The following MTMR6 variants were observed in gnomAD, a reference collection of about 807,000 sequenced individuals.
MTMR6 encodes myotubularin related protein 6.
Under a neutral mutation model 80.1 loss-of-function variants are expected in MTMR6, and 47 were observed. The ratio of observed to expected loss-of-function variants is 0.59; its 90% CI spans 0.46 to 0.75. The LOEUF (loss-of-function observed/expected upper bound fraction) is 0.75, where lower values mean the gene tolerates loss of function less well. Ranked by LOEUF, MTMR6 falls within the 30% of genes least tolerant of loss-of-function variation. The probability of loss-of-function intolerance (pLI) is 0.00; values close to 1 mark genes in which losing one functional copy is unlikely to be tolerated. For synonymous variants in MTMR6, 254 were observed against 253.0 expected, an observed-to-expected ratio of 1.00 and a Z score of -0.04; for missense variants, 629 against 730.9, an observed-to-expected ratio of 0.86 and a Z score of 1.61.
At chr13:25,261,470 C>T (rs1957339981) in intron 6 of MTMR6, among the ~76,000 whole-genome samples, 198 bp downstream of exon 6, 1 of 151,946 alleles carries the variant, frequency 6.6e-6, no homozygotes, top group Admixed American at 6.6e-5. Flanking sequence ...TGTAAGAAAT[C>T]ACCATGAGTT....
chr13:25,264,140 T>C (rs1957399128), intron 5 of MTMR6, among the ~76,000 whole-genome samples: 2 of 151,862 alleles, frequency 1.3e-5, no homozygotes, highest in South Asian at 4.1e-4. Flanking sequence ...CATCCAGGAA[T>C]AGAAAACCAT....
chr13:25,259,052 G>A (rs34982571), intron 6 of MTMR6, among the ~76,000 whole-genome samples: 2 of 152,158 alleles, frequency 1.3e-5, no homozygotes, highest in African/African-American at 2.4e-5. Flanking sequence ...AGAGCTGGCT[G>A]GGGGACTTTC....
chr13:25,267,972 A>G (rs1957494741), intron 2 of MTMR6, 31 bp from the exon 3 acceptor site: 1 of 1,550,786 alleles, frequency 6.4e-7, no homozygotes, highest in Non-Finnish European at 8.7e-7. Context: ...CAGGTCATCA[A>G]CATGGAAAGC....
At chr13:25,262,595 T>C (rs891445867) in intron 5 of MTMR6, among the ~76,000 whole-genome samples, 8 of 152,186 alleles carry the variant, frequency 5.3e-5, no homozygotes, top group Admixed American at 2.0e-4. Context: ...TGTCAACTCC[T>C]GGGCTCAAGC....
chr13:25,260,511 TA>T, intron 6 of MTMR6: 1 of 686,704 alleles, frequency 1.5e-6, no homozygotes, highest in Non-Finnish European at 2.1e-6. Flanking sequence ...GAATCACTTC[TA>T]AAATAGTGAC....
chr13:25,263,272 A>G lies in MTMR6; in HGVS notation c.592-1470T>C, dbSNP rs80152077. Among the ~76,000 whole-genome samples the G allele has an allele frequency of 3.5e-3, 527 of 152,350 alleles. 9 individuals carry two copies. Among genetic ancestry groups the G allele is most frequent in the African/African-American group, 0.012 (508 of 41,582 alleles). ...GCTCAAAACCTCTGAAGGCTTGAGC[A>G]GGTATATAACTGAAAAAAAGGAGAA... On this transcript the variant is annotated intron_variant, in intron 5 of 13. Coordinates refer to ENST00000381801, the MANE Select transcript of MTMR6 (RefSeq NM_004685.5).
chr13:25,260,191 G>A (rs1472346144), intron 6 of MTMR6, among the ~76,000 whole-genome samples: 4 of 142,940 alleles, frequency 2.8e-5, no homozygotes, highest in South Asian at 2.2e-4. Flanking sequence ...TTTTTGAGAC[G>A]GAGTTTCGCT....
intron 11 of MTMR6, among the ~76,000 whole-genome samples, chr13:25,253,193 A>G (rs990174737): frequency 6.6e-6 from 1 of 152,202 alleles, no homozygotes; most frequent in Non-Finnish European, 1.5e-5. Context: ...GGCTTTTCTG[A>G]GACCCTACTC....
intron 5 of MTMR6, among the ~76,000 whole-genome samples, chr13:25,264,775 A>AAAAAAAAAAAAAG (rs1491106020): frequency 1.5e-5 from 2 of 133,734 alleles, no homozygotes; most frequent in African/African-American, 5.1e-5. Context: ...AAAAAAAAAA[A>AAAAAAAAAAAAAG]GAAATTTCAG....
At chr13:25,265,678 GC>G in intron 5 of MTMR6, 140 bp downstream of exon 5, 2 of 921,414 alleles carry the variant, frequency 2.2e-6, no homozygotes, top group Non-Finnish European at 3.2e-6. Context: ...GTTGCAGTGA[GC>G]CAAGATGGTG....
intron 8 of MTMR6, 116 bp downstream of exon 8, chr13:25,257,620 G>T (rs1957243309): frequency 1.4e-6 from 1 of 736,572 alleles, no homozygotes; most frequent in South Asian, 2.1e-5. Context: ...GCTCATTAAA[G>T]AGGTAAAAAA....
chr13:25,254,268 C>A (rs1957146099), intron 10 of MTMR6, 117 bp downstream of exon 10: 6 of 781,018 alleles, frequency 7.7e-6, no homozygotes, highest in Non-Finnish European at 1.3e-5. Context: ...ACAGTAAAAA[C>A]CATGACACTC....
intron 3 of MTMR6, among the ~76,000 whole-genome samples, chr13:25,267,000 AAC>A (rs927768915): frequency 1.3e-5 from 2 of 152,168 alleles, no homozygotes; most frequent in African/African-American, 4.8e-5. Flanking sequence ...CTGCAATCCC[AAC>A]ACTTTGGGAG....
chr13:25,261,960 T>G (rs1007115431), intron 5 of MTMR6, among the ~76,000 whole-genome samples, 158 bp from the exon 6 acceptor site: 5 of 152,210 alleles, frequency 3.3e-5, no homozygotes, highest in African/African-American at 1.2e-4. Context: ...ATTTCAATAT[T>G]TTGACATTCC....
intron 1 of MTMR6, 60 bp from the exon 2 acceptor site, chr13:25,274,247 A>T: frequency 8.6e-7 from 1 of 1,168,238 alleles, no homozygotes; most frequent in Non-Finnish European, 1.2e-6. Context: ...TTTTTCTGTT[A>T]GCCCAGGACT....
chr13:25,253,715 C>A (rs370282299), intron 11 of MTMR6, 49 bp downstream of exon 11: 1 of 1,501,672 alleles, frequency 6.7e-7, no homozygotes, highest in Admixed American at 1.8e-5. Flanking sequence ...TTTGTTAGAC[C>A]TCGGCTAAGT....
chr13:25,278,300 T>G (rs1324658892), intron 1 of MTMR6, among the ~76,000 whole-genome samples: 1 of 152,210 alleles, frequency 6.6e-6, no homozygotes, highest in Admixed American at 6.5e-5. Flanking sequence ...TCCTTTAAAA[T>G]GCACAACTGC....
At chr13:25,282,665 G>A (rs1179318195) in intron 1 of MTMR6, among the ~76,000 whole-genome samples, 5 of 150,834 alleles carry the variant, frequency 3.3e-5, no homozygotes, top group African/African-American at 1.2e-4. Context: ...GGATGCCGTG[G>A]CACGATCTCG....
chr13:25,264,753 CAA>C (rs769719876), intron 5 of MTMR6, among the ~76,000 whole-genome samples: 1 of 33,486 alleles, frequency 3.0e-5, no homozygotes, highest in African/African-American at 9.0e-5. Context: ...AACTCCATCT[CAA>C]AAAAAAAAAA....
Sources: allele counts gnomAD v4.1 joint callset (sites outside exome capture counted in the v4.1 genomes callset), GRCh38; gene constraint gnomAD v4.1.1; transcripts MANE v1.5; gene names NCBI Gene and HGNC (gene_info 2026-07-23, HGNC 2026-07-21).